The following SYNE1 variants were observed in gnomAD, a reference collection of about 807,000 sequenced individuals.
The protein encoded by SYNE1 is spectrin repeat containing nuclear envelope protein 1.
In SYNE1, 616 loss-of-function variants were observed where a neutral mutation model predicts 1,111.0. The ratio of observed to expected loss-of-function variants is 0.55; its 90% CI spans 0.52 to 0.59. The LOEUF (loss-of-function observed/expected upper bound fraction) is 0.59, where lower values mean the gene tolerates loss of function less well. Ranked by LOEUF, SYNE1 falls within the 20% of genes least tolerant of loss-of-function variation. The probability of loss-of-function intolerance (pLI) is 0.00; values close to 1 mark genes in which losing one functional copy is unlikely to be tolerated. For synonymous variants in SYNE1, 3,855 were observed against 3,825.8 expected (o/e 1.01, Z -0.28); for missense variants, 10,006 against 10,417.0 (o/e 0.96, Z 1.72).
intron 6 of SYNE1, among the ~76,000 whole-genome samples, chr6:152,514,321 C>T (rs895379205): frequency 1.3e-5 from 2 of 152,190 alleles, no homozygotes; most frequent in African/African-American, 4.8e-5. Context: ...AGTTCATGTT[C>T]TTTGCAGGGA....
Position 152,148,376 on chromosome 6 carries a change from G to C in SYNE1, c.24645C>G (p.Leu8215=). The C allele has an allele frequency of 6.2e-7, 1 of 1,613,340 alleles. No individual in the cohort carries two copies. Among genetic ancestry groups the C allele is most frequent in the Non-Finnish European group, 8.5e-7 (1 of 1,179,838 alleles). The change falls in exon 137 of 146, where the codon CTC becomes CTG. Residue 8215 remains leucine (L), a splice_region_variant and synonymous_variant. Coordinates refer to ENST00000367255, the MANE Select transcript of SYNE1 (RefSeq NM_182961.4). This position sits in a 1 kb window ranked among gnomAD's most constrained non-coding sequence, Gnocchi z 4.1. ...CTGAGAGGTCGTGCTCATCGTCTGG[G>C]AGCTAGAAGGGAAGTCAAGGCAACC... ...RYHKKLIRLP[L]PDDEHDLSDR... is the part of the protein sequence containing the mutation.
At chr6:152,509,838 C>A (rs541677689) in intron 8 of SYNE1, among the ~76,000 whole-genome samples, 1 of 151,938 alleles carries the variant, frequency 6.6e-6, no homozygotes, top group Admixed American at 6.6e-5. Context: ...AAGAGATAAC[C>A]GAGTTTAAAC....
intron 45 of SYNE1, chr6:152,404,982 T>C (rs2097874468): frequency 6.6e-6 from 1 of 152,288 alleles, no homozygotes. Context: ...ATTTTGGTGC[T>C]TTGTGGACAC....
intron 4 of SYNE1, among the ~76,000 whole-genome samples, chr6:152,534,057 G>T (rs1355655922): frequency 6.6e-6 from 1 of 151,948 alleles, no homozygotes; most frequent in Admixed American, 6.6e-5. Flanking sequence ...TACTCAGGAG[G>T]CTAAGGCAGG....
intron 106 of SYNE1, among the ~76,000 whole-genome samples, chr6:152,243,035 T>A (rs1021280580): frequency 6.6e-6 from 1 of 152,208 alleles, no homozygotes; most frequent in African/African-American, 2.4e-5. Context: ...TATTTTAAGA[T>A]TTTAAAGGAC....
At chr6:152,215,732 A>G (rs1290592187) in intron 121 of SYNE1, among the ~76,000 whole-genome samples, 1 of 152,222 alleles carries the variant, frequency 6.6e-6, no homozygotes, top group East Asian at 1.9e-4. Flanking sequence ...CCTCAAAACG[A>G]TCACATAAGA....
At position 152,339,725 on chromosome 6, in the gene SYNE1, T is replaced by C. The variant is rs184558642; in HGVS notation, c.12226-359A>G. ...ACGCTGTCCTGCCTCTTAACATGCT[T>C]TTGCATATCTTAGAGACAGAAGGCA... On this transcript the variant is annotated intron_variant, in intron 74 of 145. Coordinates refer to ENST00000367255, the MANE Select transcript of SYNE1 (RefSeq NM_182961.4). Among the ~76,000 whole-genome samples the C allele has an allele frequency of 7.4e-4, 113 of 152,364 alleles. 2 individuals are homozygous for C. Among genetic ancestry groups the C allele is most frequent in the Non-Finnish European group, 1.0e-4 (7 of 68,034 alleles).
chr6:152,582,025 A>G (rs1446971841), intron 3 of SYNE1, among the ~76,000 whole-genome samples: 2 of 152,086 alleles, frequency 1.3e-5, no homozygotes, highest in Admixed American at 6.5e-5. Flanking sequence ...ATCTGGCCTC[A>G]ACCTACTTCC....
chr6:152,545,100 T>C (rs2099302569), intron 3 of SYNE1, among the ~76,000 whole-genome samples: 1 of 152,224 alleles, frequency 6.6e-6, no homozygotes, highest in South Asian at 2.1e-4. Flanking sequence ...GAAATTAGTA[T>C]ATTTTAATAT....
chr6:152,302,086 G>T (rs199728699), intron 91 of SYNE1, 23 bp from the exon 92 acceptor site: 1 of 1,614,060 alleles, frequency 6.2e-7, no homozygotes, highest in East Asian at 2.2e-5. Flanking sequence ...TTCCCCCACC[G>T]GGGTGTCAGA....
chr6:152,400,796 T>C (rs974125413), intron 47 of SYNE1, among the ~76,000 whole-genome samples: 7 of 152,202 alleles, frequency 4.6e-5, no homozygotes, highest in African/African-American at 1.7e-4. Context: ...TGAAAAACTA[T>C]TGGATACTCA....
chr6:152,509,262 T>G (rs1290015707), intron 8 of SYNE1, among the ~76,000 whole-genome samples: 19 of 145,330 alleles, frequency 1.3e-4, no homozygotes, highest in African/African-American at 4.6e-4. Context: ...TTTTTTTTTT[T>G]TTTTTTGAGA....
chr6:152,537,949 T>A (rs2099251580), intron 4 of SYNE1, among the ~76,000 whole-genome samples: 1 of 152,136 alleles, frequency 6.6e-6, no homozygotes, highest in South Asian at 2.1e-4. Flanking sequence ...AACGGTTTGG[T>A]TGTCAGTTTA....
At chr6:152,583,419 T>A (rs1181054181) in intron 3 of SYNE1, among the ~76,000 whole-genome samples, 1 of 152,192 alleles carries the variant, frequency 6.6e-6, no homozygotes, top group Non-Finnish European at 1.5e-5. Context: ...TGAGCCCCAT[T>A]CCCTTATTAT....
chr6:152,592,949 T>C (rs1011799453), intron 3 of SYNE1, among the ~76,000 whole-genome samples: 4 of 152,154 alleles, frequency 2.6e-5, no homozygotes, highest in African/African-American at 4.8e-5. Context: ...GCTGGGGCAG[T>C]TCCCACCTGA....
Position 152,453,617 on chromosome 6 carries a change from T to C in SYNE1, c.2996A>G (p.Glu999Gly). 1.2e-6 allele frequency: 2 copies of C among 1,614,202 alleles called. No homozygotes were observed. The highest frequency in any genetic ancestry group is 1.7e-6 in the Non-Finnish European group (2 of 1,180,038). Residue 999 changes from glutamate to glycine, a missense_variant, in exon 25 of 146, where the codon GAA (glutamate) becomes GGA (glycine). By Grantham distance (98) the Glu-to-Gly change is moderately conservative. Coordinates refer to ENST00000367255, the MANE Select transcript of SYNE1 (RefSeq NM_182961.4). ...TTGTTTGTGGAGCTTTCGAACAGCT[T>C]CCTGCAGCCCCTGCTGCTCCTGCTC... ...LPEQEQQGLQ[E>G]AVRKLHKQWK...
chr6:152,177,904 G>T (rs904529706), intron 129 of SYNE1, among the ~76,000 whole-genome samples: 2 of 151,322 alleles, frequency 1.3e-5, no homozygotes, highest in African/African-American at 4.9e-5. Context: ...TTTATGAATG[G>T]CCTTTTTCTT....
At chr6:152,322,330 A>C (rs535387082) in intron 82 of SYNE1, among the ~76,000 whole-genome samples, 21 of 152,310 alleles carry the variant, frequency 1.4e-4, no homozygotes, top group African/African-American at 5.1e-4. Context: ...TCTTTATTTG[A>C]ATTAATGTAA....
intron 131 of SYNE1, among the ~76,000 whole-genome samples, chr6:152,157,248 A>T (rs970369539): frequency 2.4e-4 from 37 of 152,228 alleles, no homozygotes; most frequent in Non-Finnish European, 5.0e-4. Flanking sequence ...ATTCGGTCAT[A>T]AAAAAATGAA....
Sources: allele counts gnomAD v4.1 joint callset (sites outside exome capture counted in the v4.1 genomes callset), GRCh38; gene constraint gnomAD v4.1.1; non-coding constraint Gnocchi (gnomAD v3.1); transcripts MANE v1.5; gene names NCBI Gene and HGNC (gene_info 2026-07-23, HGNC 2026-07-21).